The following STXBP5L variants were observed in gnomAD, a reference collection of about 807,000 sequenced individuals.
STXBP5L encodes syntaxin-binding protein 5-like.
Under a neutral mutation model 144.5 loss-of-function variants are expected in STXBP5L, and 65 were observed. That is an observed-to-expected ratio of 0.45 (90% CI 0.37 to 0.55). The LOEUF is 0.55. Among genes scored for constraint, STXBP5L ranks in the 20% least tolerant of loss-of-function variants. STXBP5L has a pLI of 0.00. For synonymous variants in STXBP5L, 505 were observed against 469.6 expected, an observed-to-expected ratio of 1.08 and a Z score of -0.97; for missense variants, 1,298 against 1,405.5, an observed-to-expected ratio of 0.92 and a Z score of 1.22.
intron 5 of STXBP5L, among the ~76,000 whole-genome samples, chr3:121,100,735 G>T (rs892450424): frequency 4.0e-5 from 6 of 149,488 alleles, no homozygotes; most frequent in African/African-American, 1.5e-4. Flanking sequence ...GGAAAAGAAA[G>T]AACTAAAATC....
intron 3 of STXBP5L, among the ~76,000 whole-genome samples, chr3:121,040,961 C>T (rs539995369): frequency 2.0e-5 from 3 of 152,104 alleles, no homozygotes; most frequent in Admixed American, 6.6e-5. Context: ...TAATTTGTAT[C>T]TTTATGCAAG....
At chr3:121,050,921 CAG>C (rs1280743977) in intron 5 of STXBP5L, among the ~76,000 whole-genome samples, 3 of 152,210 alleles carry the variant, frequency 2.0e-5, no homozygotes, top group African/African-American at 7.2e-5. Flanking sequence ...CAAAAAAAAG[CAG>C]GGGTTGCAAT....
chr3:121,025,580 T>C (rs1479761340), intron 3 of STXBP5L, among the ~76,000 whole-genome samples: 2 of 152,038 alleles, frequency 1.3e-5, no homozygotes, highest in Non-Finnish European at 2.9e-5. Flanking sequence ...TTTCTTACAC[T>C]TTATTCACTT....
intron 9 of STXBP5L, among the ~76,000 whole-genome samples, chr3:121,162,098 C>T (rs1328796618): frequency 6.6e-6 from 1 of 151,940 alleles, no homozygotes; most frequent in African/African-American, 2.4e-5. Context: ...ATCACAGCAC[C>T]CACAAGAATA....
intron 10 of STXBP5L, among the ~76,000 whole-genome samples, chr3:121,211,492 C>A (rs1301811848): frequency 1.3e-5 from 2 of 151,994 alleles, no homozygotes; most frequent in Non-Finnish European, 2.9e-5. Flanking sequence ...GAGAGGGCAT[C>A]CCTGTCTTGT....
intron 18 of STXBP5L, among the ~76,000 whole-genome samples, chr3:121,259,726 G>C (rs1027721578): frequency 5.9e-5 from 9 of 151,352 alleles, no homozygotes; most frequent in East Asian, 1.9e-4. Context: ...TTGGTATCTA[G>C]TCTATTACAT....
At chr3:121,392,110 C>T (rs2046603617) in intron 22 of STXBP5L, among the ~76,000 whole-genome samples, 1 of 152,192 alleles carries the variant, frequency 6.6e-6, no homozygotes, top group African/African-American at 2.4e-5. Context: ...TCAACAATGG[C>T]AGACACCCCT....
Position 121,351,477 on chromosome 3 carries a change from C to G in STXBP5L, c.2177-27239C>G, listed in dbSNP as rs187246013. ...TGCGTGCTGGGAGAACGACTACTCT[C>G]CAGAAGTCTTCTTTTGAGAAGTGTC... is the stretch of plus-strand genomic sequence containing the variant. On this transcript the variant is annotated intron_variant, in intron 20 of 26. Coordinates refer to ENST00000471454, the MANE Select transcript of STXBP5L (RefSeq NM_001308330.2). Among the ~76,000 whole-genome samples, 8 of 152,094 alleles carry G rather than the reference C, an allele frequency of 5.3e-5. No individual in the cohort carries two copies. The East Asian group carries it at 1.5e-3, about 29-fold the overall frequency.
chr3:121,028,313 G>T (rs1429519328), intron 3 of STXBP5L, among the ~76,000 whole-genome samples: 1 of 152,000 alleles, frequency 6.6e-6, no homozygotes, highest in South Asian at 2.1e-4. Context: ...AATTTTTGCA[G>T]TATTTTCTTT....
intron 5 of STXBP5L, among the ~76,000 whole-genome samples, chr3:121,075,948 T>C (rs994436603): frequency 6.6e-6 from 1 of 152,200 alleles, no homozygotes; most frequent in African/African-American, 2.4e-5. Flanking sequence ...GAAGAAGTTG[T>C]TTGCAATCAG....
chr3:121,336,270 G>A (rs2044501872), intron 20 of STXBP5L, among the ~76,000 whole-genome samples: 1 of 152,132 alleles, frequency 6.6e-6, no homozygotes, highest in South Asian at 2.1e-4. Flanking sequence ...GCTGAGGTGG[G>A]CAGATCACTT....
chr3:121,261,720 T>C (rs1297721236), intron 18 of STXBP5L, among the ~76,000 whole-genome samples: 1 of 152,200 alleles, frequency 6.6e-6, no homozygotes, highest in Non-Finnish European at 1.5e-5. Context: ...TAAATATCCA[T>C]TTATGACTTC....
chr3:121,115,493 C>T (rs940834847), intron 6 of STXBP5L, among the ~76,000 whole-genome samples: 8 of 152,166 alleles, frequency 5.3e-5, no homozygotes, highest in African/African-American at 1.2e-4. Flanking sequence ...TTTTAGGTTA[C>T]GTTATACATA....
At chr3:121,012,641 G>C (rs184019424) in intron 3 of STXBP5L, among the ~76,000 whole-genome samples, 1 of 151,448 alleles carries the variant, frequency 6.6e-6, no homozygotes, top group Non-Finnish European at 1.5e-5. Context: ...GAGAAATGTC[G>C]ATTTAAATAT....
chr3:121,333,465 A>G (rs1214067730), intron 20 of STXBP5L, among the ~76,000 whole-genome samples: 1 of 152,116 alleles, frequency 6.6e-6, no homozygotes, highest in African/African-American at 2.4e-5. Context: ...AACTAAAAAA[A>G]CTTAGAGGAC....
chr3:120,940,627 C>T (rs1413287395), intron 2 of STXBP5L, among the ~76,000 whole-genome samples: 5 of 130,914 alleles, frequency 3.8e-5, no homozygotes, highest in African/African-American at 1.4e-4. Context: ...GAAAATGAGT[C>T]CTAGGGGTGG....
intron 20 of STXBP5L, among the ~76,000 whole-genome samples, chr3:121,366,180 A>C (rs1219957763): frequency 1.3e-5 from 2 of 152,006 alleles, no homozygotes; most frequent in African/African-American, 4.8e-5. Context: ...ATGGTCTTAC[A>C]TATGGCCTAT....
chr3:121,341,126 T>A (rs1031725164), intron 20 of STXBP5L, among the ~76,000 whole-genome samples: 2 of 152,044 alleles, frequency 1.3e-5, no homozygotes, highest in African/African-American at 4.8e-5. Context: ...AAGGAATTAA[T>A]AACCAGAATA....
intron 5 of STXBP5L, among the ~76,000 whole-genome samples, chr3:121,081,541 G>A (rs2042248149): frequency 6.6e-6 from 1 of 152,092 alleles, no homozygotes; most frequent in Admixed American, 6.6e-5. Flanking sequence ...TTGGTATATG[G>A]GCAAGTTTAC....
Sources: gnomAD v4.1 joint callset for allele counts (sites outside exome capture counted in the v4.1 genomes callset) on GRCh38, gnomAD v4.1.1 for gene constraint, MANE v1.5 for transcripts, NCBI Gene and HGNC (gene_info 2026-07-23, HGNC 2026-07-21) for gene names.